The following FNDC3B variants were observed in gnomAD, a reference collection of about 807,000 sequenced individuals.
FNDC3B encodes the protein fibronectin type III domain-containing protein 3B.
FNDC3B carries 12 observed loss-of-function variants against 151.5 expected under a neutral mutation model. That is an observed-to-expected ratio of 0.08 (90% CI 0.05 to 0.13). FNDC3B has a LOEUF of 0.13. FNDC3B is among the 10% of genes least tolerant of loss of function. FNDC3B has a pLI of 1.00. For missense variants in FNDC3B, 1,214 were observed against 1,505.3 expected, an observed-to-expected ratio of 0.81 and a Z score of 3.20; for synonymous variants, 528 against 549.0, an observed-to-expected ratio of 0.96 and a Z score of 0.54.
chr3:172,174,942 C>CG (rs1553769239), intron 3 of FNDC3B, among the ~76,000 whole-genome samples: 6 of 66,490 alleles, frequency 9.0e-5, no homozygotes, highest in African/African-American at 2.1e-4. Context: ...CACCCCCCCC[C>CG]CCCCAATACA....
At chr3:172,230,133 G>GA (rs1432110270) in intron 4 of FNDC3B, among the ~76,000 whole-genome samples, 1 of 151,850 alleles carries the variant, frequency 6.6e-6, no homozygotes, top group Non-Finnish European at 1.5e-5. Flanking sequence ...AGCAACAAGA[G>GA]AAAAAAATAG....
chr3:172,249,650 A>G (rs182254398), intron 5 of FNDC3B, among the ~76,000 whole-genome samples: 3 of 152,336 alleles, frequency 2.0e-5, no homozygotes, highest in Admixed American at 6.5e-5. Context: ...GTTAAATCTC[A>G]TGTGTAATAC....
intron 6 of FNDC3B, among the ~76,000 whole-genome samples, chr3:172,282,056 T>C (rs1351630771): frequency 6.6e-6 from 1 of 152,106 alleles, no homozygotes; most frequent in East Asian, 1.9e-4. Flanking sequence ...AGATCATGCT[T>C]AGGGTGAGAT....
intron 1 of FNDC3B, among the ~76,000 whole-genome samples, chr3:172,109,169 T>C (rs1443553143): frequency 6.7e-6 from 1 of 148,332 alleles, no homozygotes; most frequent in African/African-American, 2.5e-5. Flanking sequence ...GGATTCTTTT[T>C]TTTTTTTTTT....
intron 25 of FNDC3B, among the ~76,000 whole-genome samples, chr3:172,390,942 G>T (rs1410215062): frequency 6.6e-6 from 1 of 152,166 alleles, no homozygotes; most frequent in Non-Finnish European, 1.5e-5. Context: ...CAGAGAGTTA[G>T]CAGCGAGCTA....
rs980130880 is a variant in FNDC3B, at chr3:172,076,560, A to G, written c.-28-35892A>G. Among the ~76,000 whole-genome samples, 15 of 152,246 alleles carry G rather than the reference A, an allele frequency of 9.9e-5. 1 individual carries two copies. The highest frequency in any genetic ancestry group is 1.9e-4 in the Non-Finnish European group (13 of 68,042). Reference sequence around the variant, plus strand: ...TGAGTGCACATCTTGGCAAAGATGAAATGTCAATTTCTGGGAAAGGCACCT... The same window carrying G: ...TGAGTGCACATCTTGGCAAAGATGAGATGTCAATTTCTGGGAAAGGCACCT... On this transcript the variant is annotated intron_variant, in intron 1 of 25. Coordinates refer to ENST00000415807, the MANE Select transcript of FNDC3B (RefSeq NM_022763.4).
intron 7 of FNDC3B, among the ~76,000 whole-genome samples, chr3:172,288,442 A>G (rs920612095): frequency 6.6e-6 from 1 of 152,234 alleles, no homozygotes; most frequent in African/African-American, 2.4e-5. Context: ...GTGGACTTTG[A>G]ATGAGAAATT....
chr3:172,134,500 T>C, intron 3 of FNDC3B: 1 of 446,070 alleles, frequency 2.2e-6, no homozygotes, highest in Non-Finnish European at 4.6e-6. Flanking sequence ...TATTAATACC[T>C]GAACTTGCTT....
intron 8 of FNDC3B, among the ~76,000 whole-genome samples, chr3:172,295,984 C>T (rs1351750293): frequency 6.6e-6 from 1 of 152,106 alleles, no homozygotes; most frequent in Non-Finnish European, 1.5e-5. Context: ...TAAAACATTT[C>T]ATTTGGAGGC....
chr3:172,166,586 A>G (rs1056822529), intron 3 of FNDC3B, among the ~76,000 whole-genome samples: 1 of 152,152 alleles, frequency 6.6e-6, no homozygotes, highest in African/African-American at 2.4e-5. Context: ...TAGCTAAAGA[A>G]TCGAGACCTG....
intron 12 of FNDC3B, chr3:172,329,297 C>T: frequency 4.6e-6 from 2 of 436,402 alleles, no homozygotes; most frequent in East Asian, 3.4e-5. Context: ...GAAGGCCCCA[C>T]TAGGGGTCTC....
At chr3:172,289,053 C>T (rs1460968238) in intron 7 of FNDC3B, among the ~76,000 whole-genome samples, 1 of 152,186 alleles carries the variant, frequency 6.6e-6, no homozygotes, top group Non-Finnish European at 1.5e-5. Context: ...TGGCGTAAAA[C>T]AGTACAAATT....
intron 3 of FNDC3B, among the ~76,000 whole-genome samples, chr3:172,173,403 A>G (rs1723376010): frequency 6.6e-6 from 1 of 152,276 alleles, no homozygotes; most frequent in East Asian, 1.9e-4. Flanking sequence ...GTAAACAACC[A>G]TATGGAAGAA....
At chr3:172,266,237 G>A (rs748605880) in intron 6 of FNDC3B, among the ~76,000 whole-genome samples, 4 of 152,080 alleles carry the variant, frequency 2.6e-5, no homozygotes, top group Non-Finnish European at 5.9e-5. Flanking sequence ...ATATTGTAAT[G>A]ACTACTGTCC....
intron 1 of FNDC3B, among the ~76,000 whole-genome samples, chr3:172,050,031 C>A (rs1716563488): frequency 6.6e-6 from 1 of 151,824 alleles, no homozygotes; most frequent in Admixed American, 6.6e-5. Flanking sequence ...TTTTATTCAT[C>A]TGAACTTGTC....
intron 3 of FNDC3B, among the ~76,000 whole-genome samples, chr3:172,153,997 A>G (rs1451010397): frequency 3.3e-5 from 5 of 152,208 alleles, no homozygotes; most frequent in Non-Finnish European, 7.4e-5. Flanking sequence ...GCTCAGGAGC[A>G]AATCCTGTGG....
At chr3:172,119,305 G>A (rs756431245) in intron 2 of FNDC3B, among the ~76,000 whole-genome samples, 2 of 151,720 alleles carry the variant, frequency 1.3e-5, no homozygotes, top group Non-Finnish European at 2.9e-5. Flanking sequence ...TTAGGTGCTG[G>A]TGACAGAAAG....
rs548609058 is a variant in FNDC3B at position 172,214,598 on chromosome 3, G to T, written c.188-12273G>T. 6.6e-5 allele frequency among the ~76,000 whole-genome samples: 10 copies of T among 151,372 alleles called. No homozygotes were observed. In the South Asian group the frequency reaches 1.5e-3, roughly 22 times the overall value. ...TTCCATTGAGCAGCCTTCTAGATTGGCAAGAAAGTGGCATCAGGTAGATAA... is the reference window on the plus strand; with the variant it reads ...TTCCATTGAGCAGCCTTCTAGATTGTCAAGAAAGTGGCATCAGGTAGATAA... On this transcript the variant is annotated intron_variant, in intron 3 of 25. Coordinates refer to ENST00000415807, the MANE Select transcript of FNDC3B (RefSeq NM_022763.4).
At chr3:172,276,062 T>C (rs1394816998) in intron 6 of FNDC3B, among the ~76,000 whole-genome samples, 2 of 152,250 alleles carry the variant, frequency 1.3e-5, no homozygotes, top group African/African-American at 2.4e-5. Flanking sequence ...CTGGAAGATA[T>C]AGAAGATAGA....
Sources: gnomAD v4.1 joint callset for allele counts (sites outside exome capture counted in the v4.1 genomes callset) on GRCh38, gnomAD v4.1.1 for gene constraint, MANE v1.5 for transcripts, NCBI Gene and HGNC (gene_info 2026-07-23, HGNC 2026-07-21) for gene names.